The following PRKN variants were observed in gnomAD, a reference collection of about 807,000 sequenced individuals.
The protein encoded by PRKN is parkin RBR E3 ubiquitin protein ligase.
PRKN carries 56 observed loss-of-function variants against 59.5 expected under a neutral mutation model. That is an observed-to-expected ratio of 0.94 (90% CI 0.76 to 1.18). The LOEUF (loss-of-function observed/expected upper bound fraction) is 1.18. Among genes scored for constraint, PRKN ranks in the 50% most tolerant of loss-of-function variants. The probability of loss-of-function intolerance (pLI) is 0.00; values close to 1 mark genes in which losing one functional copy is unlikely to be tolerated. For synonymous variants in PRKN, 250 were observed against 222.1 expected (o/e 1.13, Z -1.12); for missense variants, 657 against 596.4 (o/e 1.10, Z -1.06).
At chr6:161,847,105 C>T (rs369925769) in intron 6 of PRKN, among the ~76,000 whole-genome samples, 7 of 152,230 alleles carry the variant, frequency 4.6e-5, no homozygotes, top group Non-Finnish European at 7.4e-5. Flanking sequence ...GTCAAGAGAT[C>T]GAGATCATCC....
At chr6:162,037,308 T>C (rs984501269) in intron 5 of PRKN, among the ~76,000 whole-genome samples, 2 of 152,194 alleles carry the variant, frequency 1.3e-5, no homozygotes, top group South Asian at 2.1e-4. Context: ...CATCACCAAA[T>C]GTGCTCATAG....
At chr6:161,426,486 T>C (rs935516236) in intron 9 of PRKN, among the ~76,000 whole-genome samples, 2 of 152,024 alleles carry the variant, frequency 1.3e-5, no homozygotes, top group Non-Finnish European at 2.9e-5. Flanking sequence ...CCAGCCTACA[T>C]CTTTCTCCTG....
intron 5 of PRKN, among the ~76,000 whole-genome samples, chr6:162,037,863 GAA>G (rs967403258): frequency 6.6e-6 from 1 of 151,700 alleles, no homozygotes; most frequent in Non-Finnish European, 1.5e-5. Flanking sequence ...CTCTTTAGGT[GAA>G]AGTACGTTGG....
intron 7 of PRKN, among the ~76,000 whole-genome samples, chr6:161,703,807 A>G (rs1786353823): frequency 7.0e-6 from 1 of 143,170 alleles, no homozygotes; most frequent in East Asian, 2.2e-4. Flanking sequence ...TGTAAACCAC[A>G]TGAGGACACA....
chr6:162,165,550 T>C (rs1223747502), intron 4 of PRKN, among the ~76,000 whole-genome samples: 5 of 149,218 alleles, frequency 3.4e-5, no homozygotes, highest in African/African-American at 1.3e-4. Flanking sequence ...AACCAGCACG[T>C]AAGAAAGCAC....
intron 1 of PRKN, among the ~76,000 whole-genome samples, chr6:162,466,844 G>A (rs1791440004): frequency 6.6e-6 from 1 of 151,636 alleles, no homozygotes; most frequent in Non-Finnish European, 1.5e-5. Flanking sequence ...GGTGGATTTG[G>A]GTAATTCATC....
At position 161,757,871 on chromosome 6, in the gene PRKN, C is replaced by CTCTCTCTCTCTCTCTG. The variant is rs1380898753; in HGVS notation, c.871+27900_871+27901insCAGAGAGAGAGAGAGA. Among the ~76,000 whole-genome samples, 237 of 97,966 alleles carry CTCTCTCTCTCTCTCTG rather than the reference C, an allele frequency of 2.4e-3. 8 individuals are homozygous for CTCTCTCTCTCTCTCTG. The highest frequency in any genetic ancestry group is 7.7e-3 in the African/African-American group (172 of 22,352). 64.3% of individuals were successfully genotyped at this position (97,966 alleles called of 152,430 possible). ...TCTCTCTCTCTCTCTCTCTCTCTCT[C>CTCTCTCTCTCTCTCTG]TGTGTATATATATATACACACACAC... On this transcript the variant is annotated intron_variant, in intron 7 of 11. Coordinates refer to ENST00000366898, the MANE Select transcript of PRKN (RefSeq NM_004562.3).
intron 1 of PRKN, among the ~76,000 whole-genome samples, chr6:162,589,591 T>C (rs1339637025): frequency 1.3e-5 from 2 of 152,178 alleles, no homozygotes; most frequent in Non-Finnish European, 2.9e-5. Flanking sequence ...TCAGATTATT[T>C]GCAACGCATT....
At chr6:162,225,317 T>A (rs1299946619) in intron 3 of PRKN, among the ~76,000 whole-genome samples, 1 of 152,136 alleles carries the variant, frequency 6.6e-6, no homozygotes, top group Admixed American at 6.5e-5. Flanking sequence ...TCCCACCACC[T>A]TTAAACCAAC....
chr6:161,473,747 C>A lies in PRKN; in HGVS notation c.1083+75107G>T, dbSNP rs924949624. 4.6e-5 allele frequency among the ~76,000 whole-genome samples: 7 copies of A among 151,966 alleles called. No homozygotes were observed. The highest frequency in any genetic ancestry group is 2.4e-5 in the African/African-American group (1 of 41,350). ...ACTGTATACGTATGAAAAAAGTAAC[C>A]ATGAAGATGATAAGTATGTTAATTT... On this transcript the variant is annotated intron_variant, in intron 9 of 11. Coordinates refer to ENST00000366898, the MANE Select transcript of PRKN (RefSeq NM_004562.3). The surrounding 1 kb of genome is among the most constrained non-coding windows in gnomAD (Gnocchi z 4.1).
chr6:161,626,372 G>C (rs746183728), intron 7 of PRKN, among the ~76,000 whole-genome samples: 1 of 152,166 alleles, frequency 6.6e-6, no homozygotes, highest in African/African-American at 2.4e-5. Flanking sequence ...ATGTGTACAC[G>C]AACAGGGGCC....
rs1436357407 is a variant in PRKN at position 161,417,672 on chromosome 6, A to G, written c.1084-30795T>C. On this transcript the variant is annotated intron_variant, in intron 9 of 11. Transcript: ENST00000366898. The surrounding 1 kb of genome is among the most constrained non-coding windows in gnomAD (Gnocchi z 5.4). Reference sequence around the variant, plus strand: ...ACTCAATACACACATTTTCACAGGCAAGGAAACTCAGGTTAAATAACTTTC... The same window carrying G: ...ACTCAATACACACATTTTCACAGGCGAGGAAACTCAGGTTAAATAACTTTC... Among the ~76,000 whole-genome samples the G allele has an allele frequency of 6.6e-6, 1 of 152,174 alleles. No individual in the cohort carries two copies. Among genetic ancestry groups the G allele is most frequent in the Non-Finnish European group, 1.5e-5 (1 of 68,044 alleles).
intron 3 of PRKN, among the ~76,000 whole-genome samples, chr6:162,235,942 G>A (rs28827565): frequency 0.3 from 27,817 of 93,814 alleles, 5,069 homozygotes; most frequent in East Asian, 0.7. Flanking sequence ...AGGAAGGAAG[G>A]AAGGAAGGAA....
intron 7 of PRKN, among the ~76,000 whole-genome samples, chr6:161,625,879 G>A (rs962725183): frequency 1.3e-5 from 2 of 152,174 alleles, no homozygotes; most frequent in African/African-American, 4.8e-5. Flanking sequence ...CAAAGGGCCT[G>A]TGGAATAGCA....
chr6:162,466,388 G>C (rs772463444), intron 1 of PRKN, among the ~76,000 whole-genome samples: 44 of 152,072 alleles, frequency 2.9e-4, no homozygotes, highest in Admixed American at 1.4e-3. Flanking sequence ...TTGAATAGAT[G>C]CTGACAAGTC....
At chr6:162,623,858 T>C (rs1322122946) in intron 1 of PRKN, among the ~76,000 whole-genome samples, 1 of 152,092 alleles carries the variant, frequency 6.6e-6, no homozygotes, top group East Asian at 1.9e-4. Flanking sequence ...AGTACAGTTG[T>C]TTTGCTTGAG....
chr6:162,518,000 T>C (rs1306683617), intron 1 of PRKN, among the ~76,000 whole-genome samples: 1 of 152,192 alleles, frequency 6.6e-6, no homozygotes, highest in Non-Finnish European at 1.5e-5. Context: ...TTAGTAAAAG[T>C]GATAAAACTA....
intron 2 of PRKN, among the ~76,000 whole-genome samples, chr6:162,400,886 A>G (rs1787759582): frequency 6.6e-6 from 1 of 152,198 alleles, no homozygotes; most frequent in East Asian, 1.9e-4. Context: ...GTACAATGTA[A>G]TATACACTTA....
chr6:162,719,978 T>C (rs778725258), intron 1 of PRKN, among the ~76,000 whole-genome samples: 1 of 152,122 alleles, frequency 6.6e-6, no homozygotes, highest in Non-Finnish European at 1.5e-5. Context: ...TTCTCCATTT[T>C]ATTAATACGA....
Sources: gnomAD v4.1 joint callset for allele counts (sites outside exome capture counted in the v4.1 genomes callset) on GRCh38, gnomAD v4.1.1 for gene constraint, Gnocchi (gnomAD v3.1) non-coding constraint, MANE v1.5 for transcripts, NCBI Gene and HGNC (gene_info 2026-07-23, HGNC 2026-07-21) for gene names.